Variants in CPXM2 observed in about 807,000 individuals in gnomAD.
The protein encoded by CPXM2 is carboxypeptidase X, M14 family member 2.
In CPXM2, 66 loss-of-function variants were observed where a neutral mutation model predicts 86.1. The ratio of observed to expected loss-of-function variants is 0.77; its 90% CI spans 0.63 to 0.94. The LOEUF is 0.94. Ranked by LOEUF, CPXM2 falls within the 40% of genes least tolerant of loss-of-function variation. The pLI, the probability that CPXM2 is intolerant of heterozygous loss-of-function variation, is 0.00. For missense variants in CPXM2, 948 were observed against 1,026.3 expected (o/e 0.92, Z 1.04); for synonymous variants, 388 against 400.2 (o/e 0.97, Z 0.36).
intron 6 of CPXM2, among the ~76,000 whole-genome samples, chr10:123,783,267 T>G (rs1331741578): frequency 1.3e-5 from 2 of 152,266 alleles, no homozygotes; most frequent in Non-Finnish European, 2.9e-5. Context: ...TTAATAAACT[T>G]GCTTTCAATT....
intron 6 of CPXM2, among the ~76,000 whole-genome samples, chr10:123,786,625 G>A (rs1339278744): frequency 6.6e-6 from 1 of 152,172 alleles, no homozygotes; most frequent in African/African-American, 2.4e-5. Flanking sequence ...TGGAAGCTGA[G>A]TCCACCACCA....
In CPXM2 at chr10:123,767,339, A is replaced by G. The variant is rs183294583; in HGVS notation, c.1300-187T>C. Among the ~76,000 whole-genome samples the G allele has an allele frequency of 5.9e-5, 9 of 152,306 alleles. No homozygotes were observed. The East Asian group carries it at 1.7e-3, about 29-fold the overall frequency. On this transcript the variant is annotated intron_variant, in intron 9 of 13. Coordinates refer to ENST00000241305, the MANE Select transcript of CPXM2 (RefSeq NM_198148.3). ...TTCCTATTAATATTTGGTGGGTGAT[A>G]GATAGTTCAGCCAAATTACTCCAAA...
At chr10:123,831,688 T>C (rs928126487) in intron 4 of CPXM2, among the ~76,000 whole-genome samples, 1 of 151,970 alleles carries the variant, frequency 6.6e-6, no homozygotes, top group African/African-American at 2.4e-5. Flanking sequence ...TCCTCCTCCA[T>C]CTTCAAAGCC....
At chr10:123,806,920 A>T (rs183484487) in intron 4 of CPXM2, among the ~76,000 whole-genome samples, 64 of 152,294 alleles carry the variant, frequency 4.2e-4, no homozygotes, top group African/African-American at 1.4e-3. Context: ...AGGGACACAG[A>T]GCCAAACCAT....
chr10:123,847,922 A>G (rs1326539679), intron 3 of CPXM2, among the ~76,000 whole-genome samples: 1 of 152,146 alleles, frequency 6.6e-6, no homozygotes, highest in East Asian at 1.9e-4. Context: ...GGCTGCCTCT[A>G]CACAGAAACA....
At chr10:123,823,848 A>C (rs1847983668) in intron 4 of CPXM2, among the ~76,000 whole-genome samples, 2 of 152,200 alleles carry the variant, frequency 1.3e-5, no homozygotes, top group Admixed American at 1.3e-4. Context: ...AGAAACAGCT[A>C]ATGGGTTTGC....
At chr10:123,822,986 T>C (rs1489205498) in intron 4 of CPXM2, among the ~76,000 whole-genome samples, 1 of 152,146 alleles carries the variant, frequency 6.6e-6, no homozygotes, top group Admixed American at 6.5e-5. Flanking sequence ...AACTGCTGAG[T>C]TGTACACATT....
intron 13 of CPXM2, chr10:123,751,376 T>C (rs1422343600): frequency 3.2e-6 from 1 of 311,430 alleles, no homozygotes; most frequent in African/African-American, 2.3e-5. Flanking sequence ...AATAAATTCC[T>C]TTACATTCCC....
chr10:123,779,636 T>C (rs1024010968), intron 7 of CPXM2, among the ~76,000 whole-genome samples: 4 of 152,154 alleles, frequency 2.6e-5, no homozygotes, highest in Non-Finnish European at 5.9e-5. Flanking sequence ...GATTCCAATA[T>C]GCAACCAAGA....
In CPXM2 at chr10:123,801,160, G is replaced by C. The variant is rs377751211; in HGVS notation, c.654-1961C>G. Among the ~76,000 whole-genome samples, 289 of 152,300 alleles carry C rather than the reference G, an allele frequency of 1.9e-3. 2 individuals are homozygous for C. Among genetic ancestry groups the C allele is most frequent in the African/African-American group, 6.6e-3 (276 of 41,562 alleles). On this transcript the variant is annotated intron_variant, in intron 4 of 13. Coordinates refer to ENST00000241305, the MANE Select transcript of CPXM2 (RefSeq NM_198148.3). ...CCCATAATCCCCACATGTTGTTGGG[G>C]GGACCCAGTGGGAGGTAATTAAATC...
upstream of CPXM2, among the ~76,000 whole-genome samples, chr10:123,941,355 G>A (rs1248772588): frequency 6.6e-6 from 1 of 152,044 alleles, no homozygotes; most frequent in South Asian, 2.1e-4. Context: ...GGTGTTTCTC[G>A]GCTTACAGCT....
At chr10:123,778,940 G>C (rs1041959083) in intron 7 of CPXM2, among the ~76,000 whole-genome samples, 3 of 152,214 alleles carry the variant, frequency 2.0e-5, no homozygotes, top group African/African-American at 7.2e-5. Context: ...TGTGCTGACA[G>C]GTGTCTGGAA....
intron 4 of CPXM2, among the ~76,000 whole-genome samples, chr10:123,837,662 C>G (rs1848306951): frequency 6.6e-6 from 1 of 152,040 alleles, no homozygotes; most frequent in Admixed American, 6.6e-5. Context: ...AAGGATATTT[C>G]ATAATTGTGA....
chr10:123,849,566 A>C (rs1010873694), intron 3 of CPXM2, among the ~76,000 whole-genome samples: 1 of 149,934 alleles, frequency 6.7e-6, no homozygotes, highest in Admixed American at 6.8e-5. Flanking sequence ...GGCACCTGCC[A>C]CCACATCTGG....
chr10:123,804,763 G>C (rs77466027), intron 4 of CPXM2, among the ~76,000 whole-genome samples: 1 of 152,174 alleles, frequency 6.6e-6, no homozygotes, highest in South Asian at 2.1e-4. Flanking sequence ...AGCCTCATTC[G>C]TGAGATCCAA....
intron 4 of CPXM2, among the ~76,000 whole-genome samples, chr10:123,826,655 C>A (rs896987540): frequency 6.6e-6 from 1 of 151,906 alleles, no homozygotes; most frequent in Non-Finnish European, 1.5e-5. Context: ...TAGAGAGAGG[C>A]CTTCTTAACT....
chr10:123,791,551 C>T (rs914399483), intron 6 of CPXM2, among the ~76,000 whole-genome samples: 22 of 152,156 alleles, frequency 1.4e-4, no homozygotes, highest in Non-Finnish European at 2.6e-4. Flanking sequence ...CACATCACTC[C>T]GATCTCCACC....
At chr10:123,747,921 C>CAAAAAAAAAA (rs59206856) in intron 13 of CPXM2, among the ~76,000 whole-genome samples, 3 of 72,030 alleles carry the variant, frequency 4.2e-5, no homozygotes, top group Non-Finnish European at 5.5e-5. Flanking sequence ...GACTCTGTCT[C>CAAAAAAAAAA]AAAAAAAAAA....
intron 2 of CPXM2, among the ~76,000 whole-genome samples, chr10:123,916,836 G>T (rs570407506): frequency 4.9e-4 from 75 of 151,744 alleles, no homozygotes; most frequent in Non-Finnish European, 8.2e-4. Context: ...GGAGTGCAGT[G>T]GTGCAATCAT....
Sources: allele counts gnomAD v4.1 joint callset (sites outside exome capture counted in the v4.1 genomes callset), GRCh38; gene constraint gnomAD v4.1.1; transcripts MANE v1.5; gene names NCBI Gene and HGNC (gene_info 2026-07-23, HGNC 2026-07-21).